Variants in SMIM10L3 observed in about 807,000 individuals in gnomAD.
The protein encoded by SMIM10L3 is salivary gland specific protein SAGSIN1.
At chr7:6,345,679 G>A in the SMIM10L3 span, among the ~76,000 whole-genome samples, 5 of 152,096 alleles carry the variant, frequency 3.3e-5, no homozygotes, top group Admixed American at 2.6e-4. Context: ...TAGACAAAAA[G>A]GGGAGTACAG....
At chr7:6,334,051 T>C in the SMIM10L3 span, among the ~76,000 whole-genome samples, 1,064 of 151,062 alleles carry the variant, frequency 7.0e-3, 15 homozygotes, top group African/African-American at 0.025. Context: ...TTTCACCATG[T>C]TAGCCAGGAT....
the SMIM10L3 span, among the ~76,000 whole-genome samples, chr7:6,347,953 C>T: frequency 8.1e-5 from 12 of 148,788 alleles, no homozygotes; most frequent in African/African-American, 2.5e-5. Context: ...TCTTGCTGCC[C>T]AGGCTGGAGC....
the SMIM10L3 span, among the ~76,000 whole-genome samples, chr7:6,340,734 C>A: frequency 5.3e-5 from 8 of 151,538 alleles, no homozygotes; most frequent in Non-Finnish European, 1.2e-4. Flanking sequence ...CCTGTCTCTA[C>A]TAAAAATACA....
the SMIM10L3 span, among the ~76,000 whole-genome samples, chr7:6,340,997 A>T: frequency 6.9e-6 from 1 of 145,502 alleles, no homozygotes; most frequent in African/African-American, 2.6e-5. Context: ...TCAAAAAATT[A>T]GCCAGGTGTG....
the SMIM10L3 span, among the ~76,000 whole-genome samples, chr7:6,333,184 A>G: frequency 2.0e-5 from 3 of 151,852 alleles, no homozygotes; most frequent in East Asian, 5.8e-4. Flanking sequence ...AAAAAAAACA[A>G]AAAACAAAAA....
At chr7:6,344,099 TCTCAAGCTCCTGGC>T in the SMIM10L3 span, among the ~76,000 whole-genome samples, 10 of 150,596 alleles carry the variant, frequency 6.6e-5, no homozygotes, top group Non-Finnish European at 1.5e-4. Flanking sequence ...TGCCCAGGCT[TCTCAAGCTCCTGGC>T]CTCAAGCGAG....
the SMIM10L3 span, among the ~76,000 whole-genome samples, chr7:6,333,412 C>T: frequency 6.6e-6 from 1 of 152,184 alleles, no homozygotes; most frequent in African/African-American, 2.4e-5. Context: ...AGAATAGACA[C>T]ACTAGTTAGG....
the SMIM10L3 span, among the ~76,000 whole-genome samples, chr7:6,346,175 T>G: frequency 1.3e-5 from 2 of 152,042 alleles, no homozygotes; most frequent in African/African-American, 2.4e-5. Context: ...TTTTCGAAGG[T>G]GGTAACTGGG....
At chr7:6,331,282 T>C in the SMIM10L3 span, 1 of 887,502 alleles carries the variant, frequency 1.1e-6, no homozygotes. Context: ...GACACATGGG[T>C]CTTAAGAGCA....
At chr7:6,339,163 G>A in the SMIM10L3 span, among the ~76,000 whole-genome samples, 1 of 152,134 alleles carries the variant, frequency 6.6e-6, no homozygotes, top group Non-Finnish European at 1.5e-5. Context: ...CTCGCCACTT[G>A]GCACGTCTAA....
the SMIM10L3 span, among the ~76,000 whole-genome samples, chr7:6,344,359 C>T: frequency 6.6e-6 from 1 of 152,208 alleles, no homozygotes; most frequent in Admixed American, 6.6e-5. Flanking sequence ...CACCCCACTC[C>T]CCACCCCCAT....
the SMIM10L3 span, among the ~76,000 whole-genome samples, chr7:6,333,391 G>A: frequency 6.6e-6 from 1 of 152,124 alleles, no homozygotes; most frequent in African/African-American, 2.4e-5. Flanking sequence ...TGGACAGACT[G>A]CAAATGGTTC....
the SMIM10L3 span, chr7:6,329,833 C>T: frequency 6.0e-6 from 1 of 167,414 alleles, no homozygotes; most frequent in Admixed American, 6.5e-5. Context: ...ACCACAGGGC[C>T]TCTGTCTAAA....
chr7:6,343,137 G>A, the SMIM10L3 span, among the ~76,000 whole-genome samples: 1 of 151,700 alleles, frequency 6.6e-6, no homozygotes, highest in Non-Finnish European at 1.5e-5. Flanking sequence ...AGCACCTTGG[G>A]AGGCCGAGGA....
chr7:6,343,052 A>AG, the SMIM10L3 span, among the ~76,000 whole-genome samples: 7 of 150,052 alleles, frequency 4.7e-5, no homozygotes, highest in South Asian at 4.2e-4. Flanking sequence ...AAAAAAAGAA[A>AG]AAAGAAAGAA....
At chr7:6,348,893 G>C in the SMIM10L3 span, 74 of 387,978 alleles carry the variant, frequency 1.9e-4, no homozygotes, top group African/African-American at 1.4e-3. Context: ...GGCCGCAGTG[G>C]AGCGGAGTCC....
chr7:6,334,131 C>A, the SMIM10L3 span, among the ~76,000 whole-genome samples: 788 of 151,470 alleles, frequency 5.2e-3, 3 homozygotes, highest in African/African-American at 0.018. Flanking sequence ...CAAGCGTGAG[C>A]CACCGCACCC....
chr7:6,333,562 G>C, the SMIM10L3 span, among the ~76,000 whole-genome samples: 1 of 151,632 alleles, frequency 6.6e-6, no homozygotes, highest in Non-Finnish European at 1.5e-5. Flanking sequence ...ACAATGGCGT[G>C]ATCACAGCTC....
At chr7:6,333,579 G>GC in the SMIM10L3 span, among the ~76,000 whole-genome samples, 1 of 151,644 alleles carries the variant, frequency 6.6e-6, no homozygotes, top group African/African-American at 2.4e-5. Context: ...GCTCACTGCA[G>GC]CCTGTAACTT....
Sources: allele counts gnomAD v4.1 joint callset (sites outside exome capture counted in the v4.1 genomes callset), GRCh38; gene constraint gnomAD v4.1.1; transcripts MANE v1.5; gene names NCBI Gene and HGNC (gene_info 2026-07-23, HGNC 2026-07-21).